The following AFF1 variants were observed in gnomAD, a reference collection of about 807,000 sequenced individuals.
AFF1 encodes ALF transcription elongation factor 1, also known as AF4/FMR2 family member 1.
AFF1 carries 48 observed loss-of-function variants against 121.7 expected under a neutral mutation model. That is an observed-to-expected ratio of 0.39 (90% CI 0.31 to 0.50). AFF1 has a LOEUF of 0.50. Among genes scored for constraint, AFF1 ranks in the 20% least tolerant of loss-of-function variants. The pLI is 0.76. For missense variants in AFF1, 1,523 were observed against 1,511.7 expected (o/e 1.01, Z -0.12); for synonymous variants, 613 against 563.0 (o/e 1.09, Z -1.26).
At chr4:87,069,271 CTTT>C (rs753186809) in intron 4 of AFF1, among the ~76,000 whole-genome samples, 13 of 80,560 alleles carry the variant, frequency 1.6e-4, no homozygotes, top group Non-Finnish European at 2.4e-4. Flanking sequence ...TGTGTGGCCT[CTTT>C]TTTTTTTTTT....
At position 87,137,199 on chromosome 4, in the gene AFF1, TGAG is replaced by T. The variant is rs1475827073; in HGVS notation, c.*1502_*1504del. 2 of 228,214 alleles carry T rather than the reference TGAG, an allele frequency of 8.8e-6. No individual in the cohort carries two copies. Among genetic ancestry groups the T allele is most frequent in the Admixed American group, 5.7e-5 (1 of 17,596 alleles). The allele number at this position is 228,214 out of a possible 1,614,324, so 14.1% of individuals were successfully genotyped here. A position where few individuals can be genotyped will look rare whatever the true frequency, so the allele number is the denominator to read the frequency against. On this transcript the variant is annotated 3_prime_UTR_variant, in exon 21 of 21. Coordinates refer to ENST00000395146, the MANE Select transcript of AFF1 (RefSeq NM_001166693.3). ...GTAGAATTTGCACACTTACTACAATTGAGGAGTGTCATCTCTATAACTTTTTCT... is the reference window on the plus strand; with the variant it reads ...GTAGAATTTGCACACTTACTACAATTGAGTGTCATCTCTATAACTTTTTCT...
chr4:86,998,561 T>G (rs1339424607), intron 2 of AFF1, among the ~76,000 whole-genome samples: 1 of 152,224 alleles, frequency 6.6e-6, no homozygotes, highest in African/African-American at 2.4e-5. Flanking sequence ...CCCATCAATC[T>G]TTTGAATACA....
chr4:87,060,405 C>T (rs1720618906), intron 4 of AFF1, among the ~76,000 whole-genome samples: 1 of 152,040 alleles, frequency 6.6e-6, no homozygotes, highest in South Asian at 2.1e-4. Flanking sequence ...AATAAAACTG[C>T]TGTTAATCTA....
intron 2 of AFF1, among the ~76,000 whole-genome samples, chr4:87,035,287 C>T (rs340626): frequency 0.63 from 96,372 of 151,914 alleles, 33,402 homozygotes; most frequent in South Asian, 0.8. Context: ...GGAGGCCTGG[C>T]ATGGTGGCTC....
chr4:86,983,594 G>A (rs1560517084), intron 2 of AFF1, among the ~76,000 whole-genome samples: 1 of 151,948 alleles, frequency 6.6e-6, no homozygotes, highest in Non-Finnish European at 1.5e-5. Context: ...GCATGGTGGT[G>A]CACGTCTTTA....
At position 87,092,181 on chromosome 4, in the gene AFF1, GC is replaced by G. The variant is rs1378042545; in HGVS notation, c.1228+353del. ...GCCTGTGGTCCCAGCTACTTGGGAG[GC>G]TGAGGTGGGAGGATCACTTGAGCCT... On this transcript the variant is annotated intron_variant, in intron 7 of 20. Coordinates refer to ENST00000395146, the MANE Select transcript of AFF1 (RefSeq NM_001166693.3). 3.3e-5 allele frequency among the ~76,000 whole-genome samples: 5 copies of G among 152,300 alleles called. No homozygotes were observed. The East Asian group carries it at 9.6e-4, about 29-fold the overall frequency.
rs574273552 is a variant in AFF1 at position 86,966,979 on chromosome 4, T to G, written c.38+18408T>G. Among the ~76,000 whole-genome samples, 9 of 152,342 alleles carry G rather than the reference T, an allele frequency of 5.9e-5. No individual in the cohort carries two copies. The East Asian group carries it at 1.3e-3, about 23-fold the overall frequency. On this transcript the variant is annotated intron_variant, in intron 2 of 20. Coordinates refer to ENST00000395146, the MANE Select transcript of AFF1 (RefSeq NM_001166693.3). ...CATCACTACTGTCCTTCTACCAACC[T>G]TGGTGCCTTGCTTTATAGAAGATCT...
chr4:87,124,030 C>T (rs928284709), intron 12 of AFF1, among the ~76,000 whole-genome samples: 11 of 152,172 alleles, frequency 7.2e-5, no homozygotes, highest in Non-Finnish European at 1.2e-4. Context: ...CCTCCTGAAC[C>T]CAGAGCCATG....
At position 87,139,156 on chromosome 4, in the gene AFF1, AAG is replaced by A. The variant is rs1729526861; in HGVS notation, c.*3458_*3459del. On this transcript the variant is annotated 3_prime_UTR_variant, in exon 21 of 21. Coordinates refer to ENST00000395146, the MANE Select transcript of AFF1 (RefSeq NM_001166693.3). ...AAATATATACACTTAAATAGAGAAA[AAG>A]AGGTTGATTGAATTGTGCCTTTGAG... The A allele has an allele frequency of 8.7e-6, 2 of 230,610 alleles. No individual in the cohort carries two copies. The highest frequency in any genetic ancestry group is 1.7e-5 in the Non-Finnish European group (2 of 116,440). 14.3% of individuals were successfully genotyped at this position (230,610 alleles called of 1,614,324 possible).
intron 12 of AFF1, among the ~76,000 whole-genome samples, chr4:87,115,784 T>A (rs1239665045): frequency 6.6e-6 from 1 of 151,312 alleles, no homozygotes; most frequent in Non-Finnish European, 1.5e-5. Context: ...AATTTTTGTA[T>A]TTTTTTTGTA....
intron 1 of AFF1, among the ~76,000 whole-genome samples, chr4:86,939,548 A>G (rs1720301866): frequency 6.6e-6 from 1 of 152,244 alleles, no homozygotes; most frequent in Non-Finnish European, 1.5e-5. Context: ...GCACTAGATA[A>G]GAATCCTTAC....
In AFF1 at chr4:87,046,200, A is replaced by G; in HGVS notation, c.73A>G (p.Arg25Gly). 1 of 1,613,964 alleles carries G rather than the reference A, an allele frequency of 6.2e-7. No individual in the cohort carries two copies. Among genetic ancestry groups the G allele is most frequent in the South Asian group, 1.1e-5 (1 of 91,080 alleles). The change falls in exon 3 of 21, where the codon AGA becomes GGA. Residue 25 changes from arginine to glycine, a missense_variant. Arg to Gly is a moderately radical substitution (Grantham distance 125, BLOSUM62 -2). Around this residue, in one of 5 missense-constraint regions of AFF1, gnomAD observed 369 missense variants for 367.2 expected, o/e 1.00. Transcript: ENST00000395146. Reference protein sequence around the residue: ...YNDDRNLLRIREKERRNQEAH... With the variant: ...YNDDRNLLRIGEKERRNQEAH... ...TGACGACAGAAACCTGCTTCGAATT[A>G]GAGAGAAGGAAAGACGCAACCAGGA... is the stretch of plus-strand genomic sequence containing the variant.
At chr4:87,073,442 C>T (rs1443013293) in intron 4 of AFF1, among the ~76,000 whole-genome samples, 1 of 152,082 alleles carries the variant, frequency 6.6e-6, no homozygotes, top group African/African-American at 2.4e-5. Context: ...CAGATTGCTT[C>T]CTCAGAGTAT....
chr4:87,021,969 G>A (rs1486320961), intron 2 of AFF1, among the ~76,000 whole-genome samples: 6 of 152,146 alleles, frequency 3.9e-5, no homozygotes, highest in African/African-American at 7.2e-5. Flanking sequence ...TTGGGAGGCC[G>A]AGGCCAGCGG....
chr4:86,991,754 G>C (rs1017467467), intron 2 of AFF1, among the ~76,000 whole-genome samples: 34 of 149,458 alleles, frequency 2.3e-4, no homozygotes, highest in Non-Finnish European at 4.3e-4. Context: ...AGAGACTTTA[G>C]TGTTGGTACC....
chr4:87,072,445 T>A (rs998752007), intron 4 of AFF1, among the ~76,000 whole-genome samples: 1 of 151,998 alleles, frequency 6.6e-6, no homozygotes, highest in African/African-American at 2.4e-5. Context: ...TTGGCACTTA[T>A]TAAATACCTA....
At chr4:86,996,489 T>C (rs1195039980) in intron 2 of AFF1, among the ~76,000 whole-genome samples, 1 of 151,594 alleles carries the variant, frequency 6.6e-6, no homozygotes, top group East Asian at 1.9e-4. Flanking sequence ...TTAAGGGCGG[T>C]GCAAGATGTG....
intron 1 of AFF1, among the ~76,000 whole-genome samples, chr4:86,938,300 A>G (rs1261518977): frequency 6.6e-6 from 1 of 152,098 alleles, no homozygotes; most frequent in Non-Finnish European, 1.5e-5. Context: ...AAATACAAAA[A>G]GTAGCTGGGC....
chr4:86,956,344 A>G (rs1184409286), intron 2 of AFF1, among the ~76,000 whole-genome samples: 1 of 152,212 alleles, frequency 6.6e-6, no homozygotes, highest in Non-Finnish European at 1.5e-5. Context: ...TTTTTTTGGA[A>G]TTAGTTATTT....
Sources: allele counts gnomAD v4.1 joint callset (sites outside exome capture counted in the v4.1 genomes callset), GRCh38; gene constraint gnomAD v4.1.1; regional missense constraint gnomAD v4.1.1; transcripts MANE v1.5; gene names NCBI Gene and HGNC (gene_info 2026-07-23, HGNC 2026-07-21).